SCMH1: variants seen among roughly 807,000 people sequenced by gnomAD.
SCMH1 encodes polycomb protein SCMH1.
SCMH1 carries 37 observed loss-of-function variants against 70.8 expected under a neutral mutation model. That is an observed-to-expected ratio of 0.52 (90% CI 0.40 to 0.69). SCMH1 has a LOEUF of 0.69. Among genes scored for constraint, SCMH1 ranks in the 30% least tolerant of loss-of-function variants. The pLI, the probability that SCMH1 is intolerant of heterozygous loss-of-function variation, is 0.00. For missense variants in SCMH1, 607 were observed against 827.3 expected (o/e 0.73, Z 3.27); for synonymous variants, 292 against 307.4 (o/e 0.95, Z 0.52).
chr1:41,226,874 T>G (rs778726616), intron 1 of SCMH1, among the ~76,000 whole-genome samples: 2 of 152,200 alleles, frequency 1.3e-5, no homozygotes, highest in Non-Finnish European at 2.9e-5. Flanking sequence ...AAGTTATGTC[T>G]CCGTTGAAAT....
intron 10 of SCMH1, among the ~76,000 whole-genome samples, chr1:41,049,122 T>C (rs1457678993): frequency 1.3e-5 from 2 of 152,046 alleles, no homozygotes; most frequent in African/African-American, 4.8e-5. Context: ...ACTGGAAGAG[T>C]GGCCCAGACC....
chr1:41,143,194 C>A, intron 5 of SCMH1, 82 bp from the exon 6 acceptor site: 1 of 1,033,000 alleles, frequency 9.7e-7, no homozygotes, highest in Non-Finnish European at 1.5e-6. Context: ...TTGGTTATAG[C>A]TGGGCCAGGG....
chr1:41,125,926 C>A (rs897352688), intron 6 of SCMH1, among the ~76,000 whole-genome samples: 3 of 152,036 alleles, frequency 2.0e-5, no homozygotes, highest in African/African-American at 7.2e-5. Flanking sequence ...TGCTTCTAGG[C>A]CCTTTCAATG....
chr1:41,151,216 C>G (rs998049969), intron 5 of SCMH1, among the ~76,000 whole-genome samples: 4 of 152,136 alleles, frequency 2.6e-5, no homozygotes, highest in African/African-American at 9.7e-5. Context: ...GACTCAGTGT[C>G]AACATTCTTG....
chr1:41,188,246 G>A (rs1395181759), intron 1 of SCMH1, among the ~76,000 whole-genome samples: 1 of 152,124 alleles, frequency 6.6e-6, no homozygotes, highest in Non-Finnish European at 1.5e-5. Context: ...ATCCAAAGCA[G>A]TGCCTCCAGA....
At chr1:41,098,902 C>A in intron 8 of SCMH1, 1 of 217,538 alleles carries the variant, frequency 4.6e-6, no homozygotes, top group Non-Finnish European at 9.2e-6. Flanking sequence ...ACCGCTATGC[C>A]ATTATTAAGT....
chr1:41,148,093 G>A (rs1644746548), intron 5 of SCMH1, among the ~76,000 whole-genome samples: 1 of 152,072 alleles, frequency 6.6e-6, no homozygotes, highest in South Asian at 2.1e-4. Flanking sequence ...AGAGTTTATA[G>A]TACAAACATC....
chr1:41,072,249 T>C (rs1203479465), intron 9 of SCMH1, among the ~76,000 whole-genome samples: 2 of 152,164 alleles, frequency 1.3e-5, no homozygotes, highest in Non-Finnish European at 2.9e-5. Context: ...AAATACGTAA[T>C]GAATGAGTCA....
chr1:41,082,381 A>G (rs1038636337), intron 8 of SCMH1, among the ~76,000 whole-genome samples: 2 of 152,222 alleles, frequency 1.3e-5, no homozygotes, highest in African/African-American at 4.8e-5. Flanking sequence ...CAGAAACTCC[A>G]CAAGCCAGAA....
rs532418911 is a variant in SCMH1, at chr1:41,040,576, G to A, written c.1499-3035C>T. Among the ~76,000 whole-genome samples, 4 of 152,250 alleles carry A rather than the reference G, an allele frequency of 2.6e-5. No individual in the cohort carries two copies. The East Asian group carries it at 7.7e-4, about 29-fold the overall frequency. On this transcript the variant is annotated intron_variant, in intron 12 of 14. Coordinates refer to ENST00000337495, the Ensembl canonical transcript of SCMH1. The stretch of plus-strand genomic sequence containing the variant: ...GGCAGATTTCAGCTTTAAAAGGAGG[G>A]CATTTTGGCTGGGCATGGTGGCTCA...
intron 2 of SCMH1, among the ~76,000 whole-genome samples, chr1:41,177,707 C>T (rs1445606503): frequency 3.9e-5 from 6 of 152,046 alleles, no homozygotes; most frequent in Admixed American, 1.3e-4. Flanking sequence ...TAAAAAGAAA[C>T]GAACACAGCC....
chr1:41,142,249 A>G (rs1004243544), intron 6 of SCMH1, among the ~76,000 whole-genome samples: 4 of 151,910 alleles, frequency 2.6e-5, no homozygotes, highest in Non-Finnish European at 4.4e-5. Flanking sequence ...CCATAATCTA[A>G]CTCTCTCGGT....
chr1:41,102,166 C>T (rs2149101294), intron 8 of SCMH1, among the ~76,000 whole-genome samples: 1 of 150,722 alleles, frequency 6.6e-6, no homozygotes. Context: ...ATTGTGCATG[C>T]ACACGCATGT....
At chr1:41,241,566 G>A (rs1663550058) in intron 1 of SCMH1, among the ~76,000 whole-genome samples, 1 of 152,172 alleles carries the variant, frequency 6.6e-6, no homozygotes, top group Admixed American at 6.5e-5. Context: ...CGGCCAGCCA[G>A]AATCACAGGC....
intron 6 of SCMH1, among the ~76,000 whole-genome samples, chr1:41,118,448 C>T (rs763725716): frequency 1.3e-5 from 2 of 152,142 alleles, no homozygotes; most frequent in Admixed American, 6.5e-5. Context: ...ACATGTCAAC[C>T]GATAAACCCA....
chr1:41,046,406 C>T lies in SCMH1; in HGVS notation c.1498+1G>A. On this transcript the variant is annotated splice_donor_variant, in intron 12 of 14. Coordinates refer to ENST00000337495, the Ensembl canonical transcript of SCMH1. LOFTEE classifies it high-confidence loss of function. ...AGCCCAGGCCCCATCCCAGCTCCTA[C>T]CTGGTAGGTACCTGTCGTGGCTGTG... 2 of 1,613,684 alleles carry T rather than the reference C, an allele frequency of 1.2e-6. No homozygotes were observed. The highest frequency in any genetic ancestry group is 1.7e-6 in the Non-Finnish European group (2 of 1,179,644).
intron 4 of SCMH1, among the ~76,000 whole-genome samples, chr1:41,156,501 T>G (rs1256100880): frequency 6.6e-6 from 1 of 152,186 alleles, no homozygotes; most frequent in Non-Finnish European, 1.5e-5. Context: ...TACAGTGGTG[T>G]GAACACAGCT....
intron 1 of SCMH1, among the ~76,000 whole-genome samples, chr1:41,211,814 C>T (rs1657093764): frequency 6.6e-6 from 1 of 152,144 alleles, no homozygotes; most frequent in African/African-American, 2.4e-5. Flanking sequence ...GGCCCATATA[C>T]ACCATGGAAT....
At chr1:41,162,490 C>G (rs570859751) in intron 2 of SCMH1, among the ~76,000 whole-genome samples, 1 of 152,158 alleles carries the variant, frequency 6.6e-6, no homozygotes, top group Admixed American at 6.5e-5. Context: ...AATGGGCACA[C>G]ACTTCCTCCC....
Sources: gnomAD v4.1 joint callset for allele counts (sites outside exome capture counted in the v4.1 genomes callset) on GRCh38, gnomAD v4.1.1 for gene constraint, MANE v1.5 for transcripts, NCBI Gene and HGNC (gene_info 2026-07-23, HGNC 2026-07-21) for gene names.